ABCA13: variants seen among roughly 807,000 people sequenced by gnomAD.
ABCA13 encodes the protein ATP-binding cassette sub-family A member 13.
ABCA13 carries 476 observed loss-of-function variants against 478.7 expected under a neutral mutation model. The ratio of observed to expected loss-of-function variants is 0.99; its 90% CI spans 0.92 to 1.07. The LOEUF is 1.07. Among genes scored for constraint, ABCA13 ranks in the 50% least tolerant of loss-of-function variants. The pLI is 0.00. For missense variants in ABCA13, 6,060 were observed against 5,910.6 expected, an observed-to-expected ratio of 1.03 and a Z score of -0.83; for synonymous variants, 2,252 against 2,158.9, an observed-to-expected ratio of 1.04 and a Z score of -1.20.
chr7:48,346,264 C>A (rs1808087045), intron 29 of ABCA13, among the ~76,000 whole-genome samples: 1 of 152,152 alleles, frequency 6.6e-6, no homozygotes, highest in South Asian at 2.1e-4. Context: ...TTAAAGCCTT[C>A]TCCAAAGCAG....
intron 48 of ABCA13, among the ~76,000 whole-genome samples, chr7:48,502,162 G>A (rs529277931): frequency 1.3e-5 from 2 of 152,306 alleles, no homozygotes; most frequent in East Asian, 3.9e-4. Context: ...AAAACTTCCA[G>A]GAGAGGGTCT....
chr7:48,309,717 C>T (rs1336189466), intron 23 of ABCA13, among the ~76,000 whole-genome samples: 1 of 152,054 alleles, frequency 6.6e-6, no homozygotes, highest in African/African-American at 2.4e-5. Context: ...AGACCTCAAG[C>T]GAGGGCAAAT....
intron 29 of ABCA13, among the ~76,000 whole-genome samples, chr7:48,349,342 A>T (rs1808582742): frequency 6.6e-6 from 1 of 152,178 alleles, no homozygotes; most frequent in South Asian, 2.1e-4. Flanking sequence ...GGTTGAGGGG[A>T]TGAAGGGCAG....
chr7:48,388,781 ATG>A (rs1369054014), intron 36 of ABCA13, among the ~76,000 whole-genome samples: 3 of 152,140 alleles, frequency 2.0e-5, no homozygotes, highest in Non-Finnish European at 4.4e-5. Context: ...ACAAAAATAC[ATG>A]TGTGTGTTTT....
At chr7:48,381,438 C>T (rs1814370580) in intron 35 of ABCA13, among the ~76,000 whole-genome samples, 3 of 152,084 alleles carry the variant, frequency 2.0e-5, no homozygotes, top group Admixed American at 1.3e-4. Flanking sequence ...TCTCGATTTT[C>T]TTTCTTTGTT....
At chr7:48,281,666 G>C (rs113558537) in intron 19 of ABCA13, among the ~76,000 whole-genome samples, 2,179 of 150,736 alleles carry the variant, frequency 0.014, 19 homozygotes, top group Middle Eastern at 0.054. Flanking sequence ...CCGTTCCTGC[G>C]CCTTTGCTGG....
At chr7:48,601,151 A>T (rs531577846) in intron 58 of ABCA13, among the ~76,000 whole-genome samples, 31 of 139,756 alleles carry the variant, frequency 2.2e-4, no homozygotes, top group African/African-American at 1.0e-3. Context: ...TAACTGATTT[A>T]TTTTTTTTAT....
intron 57 of ABCA13, among the ~76,000 whole-genome samples, chr7:48,588,269 C>T (rs1222058563): frequency 6.6e-6 from 1 of 152,204 alleles, no homozygotes; most frequent in African/African-American, 2.4e-5. Flanking sequence ...ATAATAAAAA[C>T]TACCATTTGC....
intron 50 of ABCA13, among the ~76,000 whole-genome samples, chr7:48,510,178 A>C (rs1271528157): frequency 0.014 from 1 of 70 alleles, no homozygotes; most frequent in Non-Finnish European, 0.031. Context: ...CGCAGGATAC[A>C]GTTGGCCATG....
At chr7:48,269,767 G>A (rs1217348664) in intron 16 of ABCA13, among the ~76,000 whole-genome samples, 1 of 152,128 alleles carries the variant, frequency 6.6e-6, no homozygotes. Flanking sequence ...CAGGACCCAG[G>A]TTTCTATATA....
rs575108140 is a variant in ABCA13, at chr7:48,295,577, C to T, written c.8956-123C>T. ...ACAGCCAAGGGCTCTTTCTACTACT[C>T]TGCAATGCACAGAAGCAACTGACAT... On this transcript the variant is annotated intron_variant, in intron 20 of 61. Coordinates refer to ENST00000435803, the MANE Select transcript of ABCA13 (RefSeq NM_152701.5). 90 of 1,263,172 alleles carry T rather than the reference C, an allele frequency of 7.1e-5. 1 individual carries two copies. The South Asian group carries it at 1.2e-3, about 16-fold the overall frequency. The allele number at this position is 1,263,172 out of a possible 1,614,324, so 78.2% of individuals were successfully genotyped here.
At chr7:48,422,809 G>A (rs1000997293) in intron 41 of ABCA13, among the ~76,000 whole-genome samples, 2 of 152,200 alleles carry the variant, frequency 1.3e-5, no homozygotes, top group Non-Finnish European at 2.9e-5. Context: ...TAATCAAAAG[G>A]ATACATCAAA....
chr7:48,281,474 T>C lies in ABCA13; in HGVS notation c.8836+22T>C, dbSNP rs1231195129. Reference sequence around the variant, plus strand: ...GCAGGTGGGCTGCTCATATAACAAGTGCTCTGCAATTGCCCTGTGCCAGTT... The same window carrying C: ...GCAGGTGGGCTGCTCATATAACAAGCGCTCTGCAATTGCCCTGTGCCAGTT... On this transcript the variant is annotated intron_variant, in intron 19 of 61. Coordinates refer to ENST00000435803, the MANE Select transcript of ABCA13 (RefSeq NM_152701.5). The C allele has an allele frequency of 3.2e-6, 5 of 1,564,478 alleles. No individual in the cohort carries two copies. The African/African-American group carries it at 6.8e-5, about 21-fold the overall frequency.
intron 51 of ABCA13, among the ~76,000 whole-genome samples, chr7:48,515,595 T>C (rs1022297121): frequency 1.3e-5 from 2 of 152,128 alleles, no homozygotes; most frequent in African/African-American, 2.4e-5. Context: ...CATCTACTTA[T>C]CACCTGCAAA....
intron 47 of ABCA13, among the ~76,000 whole-genome samples, chr7:48,487,725 C>G (rs1829471876): frequency 6.6e-6 from 1 of 152,138 alleles, no homozygotes; most frequent in African/African-American, 2.4e-5. Flanking sequence ...TGTCCCTTAA[C>G]TTCAACAGAA....
At chr7:48,536,055 C>T (rs1305250879) in intron 55 of ABCA13, among the ~76,000 whole-genome samples, 4 of 152,140 alleles carry the variant, frequency 2.6e-5, no homozygotes, top group African/African-American at 9.7e-5. Context: ...TGGTATGTTC[C>T]TAGGGTAATT....
intron 3 of ABCA13, among the ~76,000 whole-genome samples, chr7:48,206,651 T>C (rs775190118): frequency 1.2e-4 from 19 of 152,210 alleles, no homozygotes; most frequent in Non-Finnish European, 2.9e-5. Context: ...AGTCTTTATT[T>C]TTAATTATTG....
chr7:48,460,693 AC>A (rs1826153004), intron 43 of ABCA13, among the ~76,000 whole-genome samples: 1 of 152,170 alleles, frequency 6.6e-6, no homozygotes, highest in Non-Finnish European at 1.5e-5. Flanking sequence ...AACAAATACC[AC>A]TAAATTTGAC....
intron 55 of ABCA13, among the ~76,000 whole-genome samples, chr7:48,573,300 A>G (rs991721255): frequency 1.3e-5 from 2 of 151,826 alleles, no homozygotes; most frequent in African/African-American, 4.8e-5. Context: ...TCCAATATCT[A>G]TATCACTTGT....
Sources: gnomAD v4.1 joint callset for allele counts (sites outside exome capture counted in the v4.1 genomes callset) on GRCh38, gnomAD v4.1.1 for gene constraint, MANE v1.5 for transcripts, NCBI Gene and HGNC (gene_info 2026-07-23, HGNC 2026-07-21) for gene names.